ANKHD1: variants seen among roughly 807,000 people sequenced by gnomAD.
ANKHD1 encodes the protein ankyrin repeat and KH domain-containing protein 1.
In ANKHD1, 31 loss-of-function variants were observed where a neutral mutation model predicts 230.5. That is an observed-to-expected ratio of 0.13 (90% confidence interval 0.10 to 0.18). The LOEUF (loss-of-function observed/expected upper bound fraction) is 0.18, where lower values mean the gene tolerates loss of function less well. Among genes scored for constraint, ANKHD1 ranks in the 10% least tolerant of loss-of-function variants. ANKHD1 has a pLI of 1.00. For missense variants in ANKHD1, 2,256 were observed against 3,071.3 expected (o/e 0.73, Z 6.27); for synonymous variants, 1,074 against 1,117.6 (o/e 0.96, Z 0.78).
In ANKHD1 at chr5:140,527,930, A is replaced by G; in HGVS notation, c.5145A>G (p.Gly1715=). 1 of 1,613,998 alleles carries G rather than the reference A, an allele frequency of 6.2e-7. No homozygotes were observed. Among genetic ancestry groups the G allele is most frequent in the East Asian group, 2.2e-5 (1 of 44,860 alleles). The change falls in exon 28 of 34, where the codon GGA becomes GGG. Residue 1715 remains glycine (G), a synonymous_variant. Coordinates refer to ENST00000360839, the MANE Select transcript of ANKHD1 (RefSeq NM_017747.3). The surrounding 1 kb of genome is among the most constrained non-coding windows in gnomAD (Gnocchi z 4.5). ...SVVSRIMGRG[G]CNITAIQDVT... ...TGTCGAGGATAATGGGAAGAGGAGG[A>G]TGCAACATCACTGCAATACAGGATG...
In ANKHD1 at chr5:140,504,626, G is replaced by A. The variant is rs141670397; in HGVS notation, c.3005-195G>A. 5.6e-6 allele frequency: 4 copies of A among 712,700 alleles called. No homozygotes were observed. In the East Asian group the frequency reaches 1.2e-4, roughly 22 times the overall value. 44.1% of individuals were successfully genotyped at this position (712,700 alleles called of 1,614,324 possible). ...ATAGGGAAAATTGAAGCTCAGAGAA[G>A]TTAAATTACTTGCCCAAGATCAGAA... On this transcript the variant is annotated intron_variant, in intron 15 of 33. Coordinates refer to ENST00000360839, the MANE Select transcript of ANKHD1 (RefSeq NM_017747.3).
intron 9 of ANKHD1, among the ~76,000 whole-genome samples, chr5:140,460,782 A>G (rs1775647394): frequency 6.6e-6 from 1 of 152,140 alleles, no homozygotes; most frequent in African/African-American, 2.4e-5. Context: ...CGGCCTCTCA[A>G]AGTGCTGGGA....
chr5:140,409,278 CT>C (rs1770731749), intron 1 of ANKHD1, among the ~76,000 whole-genome samples: 1 of 152,126 alleles, frequency 6.6e-6, no homozygotes, highest in Non-Finnish European at 1.5e-5. Context: ...CTAGCATGCA[CT>C]GCTGTAAATT....
intron 14 of ANKHD1, among the ~76,000 whole-genome samples, chr5:140,493,671 T>C (rs954980092): frequency 2.3e-4 from 35 of 152,184 alleles, no homozygotes; most frequent in African/African-American, 8.0e-4. Flanking sequence ...CTTTAGGCAA[T>C]TCCACTAACT....
chr5:140,484,948 C>A, intron 11 of ANKHD1, 173 bp from the exon 12 acceptor site: 1 of 1,049,736 alleles, frequency 9.5e-7, no homozygotes, highest in Non-Finnish European at 1.2e-6. Context: ...CCTCTGGGTG[C>A]TGGTTACACA....
At position 140,527,699 on chromosome 5, in the gene ANKHD1, T is replaced by A. The variant is rs868851258; in HGVS notation, c.5088-174T>A. Among the ~76,000 whole-genome samples, 5 of 152,242 alleles carry A rather than the reference T, an allele frequency of 3.3e-5. No homozygotes were observed. The highest frequency in any genetic ancestry group is 4.8e-5 in the African/African-American group (2 of 41,464). ...CAATGTAATTTTTAACTTTACTAAA[T>A]TCAATTCAATATTACAAGAGATCAA... On this transcript the variant is annotated intron_variant, in intron 27 of 33. Coordinates refer to ENST00000360839, the MANE Select transcript of ANKHD1 (RefSeq NM_017747.3). The surrounding 1 kb of genome is among the most constrained non-coding windows in gnomAD (Gnocchi z 4.5).
At chr5:140,489,815 C>T (rs989904261) in intron 14 of ANKHD1, among the ~76,000 whole-genome samples, 3 of 152,120 alleles carry the variant, frequency 2.0e-5, no homozygotes, top group African/African-American at 7.2e-5. Context: ...ATCACTTGGG[C>T]ACTTGCTACT....
intron 7 of ANKHD1, among the ~76,000 whole-genome samples, chr5:140,455,325 A>G (rs1401720194): frequency 1.3e-5 from 2 of 152,238 alleles, no homozygotes; most frequent in Non-Finnish European, 2.9e-5. Context: ...AACTATTCCA[A>G]TCAATAGAAA....
At chr5:140,418,866 G>GA (rs1771627810) in intron 1 of ANKHD1, among the ~76,000 whole-genome samples, 1 of 152,076 alleles carries the variant, frequency 6.6e-6, no homozygotes, top group African/African-American at 2.4e-5. Flanking sequence ...GAGTAGCTGG[G>GA]ATTACAGGCA....
intron 30 of ANKHD1, among the ~76,000 whole-genome samples, chr5:140,536,222 C>T (rs1401944869): frequency 3.9e-5 from 6 of 152,076 alleles, no homozygotes; most frequent in Non-Finnish European, 8.8e-5. Context: ...GCCTTCCGAG[C>T]AGCTGGGATT....
At chr5:140,419,203 T>C (rs1771662154) in intron 1 of ANKHD1, among the ~76,000 whole-genome samples, 1 of 152,054 alleles carries the variant, frequency 6.6e-6, no homozygotes, top group Non-Finnish European at 1.5e-5. Flanking sequence ...GGTTTTGATT[T>C]GCATTTCCCT....
rs766616484 is a variant in ANKHD1, at chr5:140,535,447, G to T, written c.6936G>T (p.Arg2312Ser). 1 of 1,613,688 alleles carries T rather than the reference G, an allele frequency of 6.2e-7. No individual in the cohort carries two copies. The highest frequency in any genetic ancestry group is 8.5e-7 in the Non-Finnish European group (1 of 1,179,882). ...GTTTTTCCGGCATACCAGGAACAAG[G>T]GTTTTCCTGCAAGGGCCAGCTCCTG... ...LASFSGIPGTRVFLQGPAPVG... is the reference protein window; with the variant it reads ...LASFSGIPGTSVFLQGPAPVG... Residue 2312 changes from arginine to serine, a missense_variant, in exon 30 of 34, where the codon AGG (arginine) becomes AGT (serine). By Grantham distance (110) the Arg-to-Ser change is moderately radical. This residue lies in a region of ANKHD1 where 778 missense variants were observed against 966.5 expected (regional missense o/e 0.80). Transcript: ENST00000360839.
intron 8 of ANKHD1, 65 bp downstream of exon 8, chr5:140,458,927 G>C: frequency 1.1e-6 from 1 of 931,140 alleles, no homozygotes; most frequent in Non-Finnish European, 1.5e-6. Flanking sequence ...TAGTACTGGT[G>C]AAGTTTACTA....
At chr5:140,508,892 G>C (rs1461251814) in intron 20 of ANKHD1, among the ~76,000 whole-genome samples, 1 of 152,044 alleles carries the variant, frequency 6.6e-6, no homozygotes, top group Non-Finnish European at 1.5e-5. Context: ...GCTTAGAACT[G>C]CAAGGTTCTT....
At chr5:140,423,873 A>G (rs2126879351) in intron 1 of ANKHD1, among the ~76,000 whole-genome samples, 1 of 152,298 alleles carries the variant, frequency 6.6e-6, no homozygotes, top group East Asian at 1.9e-4. Flanking sequence ...GACTTCTCAC[A>G]GGAGCTGGTT....
At chr5:140,477,509 A>G (rs1366168655) in intron 10 of ANKHD1, among the ~76,000 whole-genome samples, 1 of 152,240 alleles carries the variant, frequency 6.6e-6, no homozygotes, top group Non-Finnish European at 1.5e-5. Flanking sequence ...AAACTCCTGA[A>G]TCTTCATCAC....
intron 7 of ANKHD1, among the ~76,000 whole-genome samples, chr5:140,449,617 G>A (rs1023181037): frequency 1.7e-4 from 26 of 151,036 alleles, no homozygotes; most frequent in Admixed American, 1.3e-4. Flanking sequence ...AGCAGAGATT[G>A]CGCAACTGCA....
At chr5:140,538,891 G>T in intron 32 of ANKHD1, 28 bp from the exon 33 acceptor site, 3 of 1,471,236 alleles carry the variant, frequency 2.0e-6, no homozygotes, top group Non-Finnish European at 2.7e-6. Flanking sequence ...GTAATTTTAA[G>T]ATTAAATCTT....
rs572561489 is a variant in ANKHD1 at position 140,438,331 on chromosome 5, A to G, written c.461-130A>G. Reference sequence around the variant, plus strand: ...AATTGATAAGCCTTATCTTCTGTCAACCTAACCTATGGATTCTATACCATT... The same window carrying G: ...AATTGATAAGCCTTATCTTCTGTCAGCCTAACCTATGGATTCTATACCATT... On this transcript the variant is annotated intron_variant, in intron 2 of 33. Coordinates refer to ENST00000360839, the MANE Select transcript of ANKHD1 (RefSeq NM_017747.3). 6.5e-5 allele frequency: 86 copies of G among 1,321,286 alleles called. No individual in the cohort carries two copies. In the African/African-American group the frequency reaches 1.0e-3, roughly 15 times the overall value. The allele number at this position is 1,321,286 out of a possible 1,614,324, so 81.8% of individuals were successfully genotyped here.
Sources: gnomAD v4.1 joint callset for allele counts (sites outside exome capture counted in the v4.1 genomes callset) on GRCh38, gnomAD v4.1.1 for gene constraint, gnomAD v4.1.1 regional missense constraint, Gnocchi (gnomAD v3.1) non-coding constraint, MANE v1.5 for transcripts, NCBI Gene and HGNC (gene_info 2026-07-23, HGNC 2026-07-21) for gene names.